The following MACF1 variants were observed in gnomAD, a reference collection of about 807,000 sequenced individuals.
The protein encoded by MACF1 is microtubule-actin cross-linking factor 1.
In MACF1, 193 loss-of-function variants were observed where a neutral mutation model predicts 854.8. That is an observed-to-expected ratio of 0.23 (90% CI 0.20 to 0.25). The LOEUF (loss-of-function observed/expected upper bound fraction) is 0.25, where lower values mean the gene tolerates loss of function less well. MACF1 is among the 10% of genes least tolerant of loss of function. The pLI is 1.00. For missense variants in MACF1, 7,722 were observed against 8,929.1 expected (o/e 0.86, Z 5.45); for synonymous variants, 3,185 against 3,226.7 (o/e 0.99, Z 0.44).
intron 97 of MACF1, among the ~76,000 whole-genome samples, chr1:39,475,884 CTG>C (rs1196832649): frequency 3.9e-5 from 6 of 152,288 alleles, no homozygotes; most frequent in Non-Finnish European, 8.8e-5. Flanking sequence ...GAGAACAGGA[CTG>C]TGGACAGACC....
chr1:39,149,467 G>A (rs1014768723), intron 2 of MACF1, among the ~76,000 whole-genome samples: 4 of 152,170 alleles, frequency 2.6e-5, no homozygotes, highest in East Asian at 1.9e-4. Flanking sequence ...GGCGGAGGTC[G>A]CTGTGAGCCG....
intron 49 of MACF1, among the ~76,000 whole-genome samples, chr1:39,363,925 C>T (rs1178144863): frequency 2.0e-5 from 3 of 152,064 alleles, no homozygotes; most frequent in Non-Finnish European, 4.4e-5. Context: ...AAGACTCATA[C>T]GTGGTGGAAA....
Position 39,414,095 on chromosome 1 carries a change from C to T in MACF1, c.15817-8279C>T, listed in dbSNP as rs1484900441. 2.5e-6 allele frequency: 4 copies of T among 1,606,552 alleles called. No homozygotes were observed. The South Asian group carries it at 3.3e-5, about 13-fold the overall frequency. ...TCCCCAGCAGCTTCAGTGCCCACCCCCGAGGAGCCTGCCTCCCCAGCAGCT... is the reference window on the plus strand; with the variant it reads ...TCCCCAGCAGCTTCAGTGCCCACCCTCGAGGAGCCTGCCTCCCCAGCAGCT... On this transcript the variant is annotated intron_variant, in intron 58 of 100. Transcript: ENST00000564288.
In MACF1 at chr1:39,441,122, T is replaced by C. The variant is rs770372913; in HGVS notation, c.18567T>C (p.Asp6189=). Residue 6189 remains aspartate (D), a synonymous_variant, in exon 73 of 101, where the codon GAT becomes GAC. Coordinates refer to ENST00000564288, the MANE Select transcript of MACF1 (RefSeq NM_001394062.1). ...TEKPEVRKSI[D]EMNNAWENLN... ...AGCCTGAAGTGAGGAAGAGCATTGA[T>C]GAGGTGTGGAGAAATGGATGAGGCA... is the stretch of plus-strand genomic sequence containing the variant. The C allele has an allele frequency of 6.2e-7, 1 of 1,613,966 alleles. No homozygotes were observed. The highest frequency in any genetic ancestry group is 1.7e-5 in the Admixed American group (1 of 60,022).
intron 2 of MACF1, among the ~76,000 whole-genome samples, chr1:39,170,252 T>G (rs1643930187): frequency 6.6e-6 from 1 of 152,218 alleles, no homozygotes; most frequent in African/African-American, 2.4e-5. Context: ...ATCTATCTAT[T>G]GAAATGGTAA....
chr1:39,142,427 T>G (rs1198495837), intron 2 of MACF1, among the ~76,000 whole-genome samples: 3 of 152,152 alleles, frequency 2.0e-5, no homozygotes, highest in Non-Finnish European at 2.9e-5. Flanking sequence ...TAAAAAAAAT[T>G]TAACACCTTC....
intron 30 of MACF1, among the ~76,000 whole-genome samples, chr1:39,319,003 TTTG>T (rs1646463774): frequency 6.6e-6 from 1 of 152,242 alleles, no homozygotes; most frequent in African/African-American, 2.4e-5. Context: ...GCATTTTTTT[TTTG>T]TTGGTATTTT....
At chr1:39,266,551 G>A (rs908088291) in intron 6 of MACF1, among the ~76,000 whole-genome samples, 7 of 144,674 alleles carry the variant, frequency 4.8e-5, no homozygotes, top group Non-Finnish European at 7.5e-5. Context: ...TGTAAAAGCC[G>A]TTGCTTTAGG....
In MACF1 at chr1:39,340,884, T is replaced by C. The variant is rs753381663; in HGVS notation, c.10512T>C (p.Ile3504=). ...CCTGGGTTGGCAATAAAAATCTTAT[T>C]CTGAACAGCAAGGGATCTAACAGTG... ...LRAWVGNKNL[I]LNSKGSNSEI... The change falls in exon 40 of 101, where the codon ATT becomes ATC. Residue 3504 remains isoleucine, a synonymous_variant. Transcript: ENST00000564288. 33 of 1,613,918 alleles carry C rather than the reference T, an allele frequency of 2.0e-5. No individual in the cohort carries two copies. Among genetic ancestry groups the C allele is most frequent in the East Asian group, 4.5e-5 (2 of 44,894 alleles).
intron 22 of MACF1, 145 bp downstream of exon 22, chr1:39,300,507 T>TAAA (rs35489653): frequency 1.3e-3 from 705 of 529,396 alleles, no homozygotes; most frequent in South Asian, 2.4e-3. Context: ...TCCTATCATT[T>TAAA]AAAAAAAAAA....
At chr1:39,358,936 C>T in intron 46 of MACF1, 63 bp downstream of exon 46, 2 of 1,530,314 alleles carry the variant, frequency 1.3e-6, no homozygotes, top group Admixed American at 4.3e-5. Flanking sequence ...GTAAAGTACC[C>T]CAAAATAAAG....
At chr1:39,457,567 CCT>C (rs1047387116) in intron 89 of MACF1, 6 of 152,426 alleles carry the variant, frequency 3.9e-5, no homozygotes, top group African/African-American at 1.2e-4. Context: ...TCAGCTGCCC[CCT>C]GTTGCTCTCA....
chr1:39,214,045 C>T (rs531886019), intron 1 of MACF1, among the ~76,000 whole-genome samples: 2 of 152,238 alleles, frequency 1.3e-5, no homozygotes, highest in South Asian at 2.1e-4. Context: ...CATTTGTAGT[C>T]GTTTGGGCTA....
At chr1:39,156,251 C>CACCT (rs1643684223) in intron 2 of MACF1, among the ~76,000 whole-genome samples, 1 of 152,014 alleles carries the variant, frequency 6.6e-6, no homozygotes, top group Admixed American at 6.6e-5. Flanking sequence ...TCAGGTGATC[C>CACCT]ACCTACCTCA....
At chr1:39,446,856 T>C (rs1376508222) in intron 80 of MACF1, among the ~76,000 whole-genome samples, 1 of 152,196 alleles carries the variant, frequency 6.6e-6, no homozygotes, top group Non-Finnish European at 1.5e-5. Flanking sequence ...CTACATCTAG[T>C]GTTGTCAGAT....
Position 39,322,919 on chromosome 1 carries a change from T to G in MACF1, c.4147T>G (p.Leu1383Val). The part of the protein sequence containing the change: ...SDAITQEFMD[L>V]RTRYTALVTL... ...TTCTTTTGAACCACAGTTCATGGAC[T>G]TAAGGACTCGCTACACGGCATTGGT... is the stretch of plus-strand genomic sequence containing the variant. Residue 1383 changes from leucine to valine, a missense_variant, in exon 33 of 101, where the codon TTA becomes GTA. Leu to Val is a conservative substitution (Grantham distance 32). Transcript: ENST00000564288. 2 of 1,613,958 alleles carry G rather than the reference T, an allele frequency of 1.2e-6. No individual in the cohort carries two copies. Among genetic ancestry groups the G allele is most frequent in the Non-Finnish European group, 1.7e-6 (2 of 1,179,846 alleles).
At chr1:39,261,762 G>T (rs1571232927) in intron 6 of MACF1, among the ~76,000 whole-genome samples, 1 of 152,130 alleles carries the variant, frequency 6.6e-6, no homozygotes, top group East Asian at 1.9e-4. Context: ...AAAGTTATTT[G>T]CATACCAGTC....
chr1:39,483,582 A>G (rs72661994), intron 99 of MACF1, among the ~76,000 whole-genome samples: 4,416 of 152,206 alleles, frequency 0.029, 101 homozygotes, highest in Non-Finnish European at 0.045. Flanking sequence ...ACTGATGAGG[A>G]GTGTGGTAGA....
At chr1:39,288,012 CT>C (rs950204654) in intron 15 of MACF1, among the ~76,000 whole-genome samples, 4 of 151,270 alleles carry the variant, frequency 2.6e-5, no homozygotes, top group African/African-American at 9.7e-5. Flanking sequence ...CATCTGTTAC[CT>C]TTTTTTTTAA....
Sources: gnomAD v4.1 joint callset for allele counts (sites outside exome capture counted in the v4.1 genomes callset) on GRCh38, gnomAD v4.1.1 for gene constraint, MANE v1.5 for transcripts, NCBI Gene and HGNC (gene_info 2026-07-23, HGNC 2026-07-21) for gene names.